Variants in CPED1 observed in about 807,000 individuals in gnomAD.
CPED1 encodes cadherin-like and PC-esterase domain-containing protein 1.
In CPED1, 114 loss-of-function variants were observed where a neutral mutation model predicts 128.2. The ratio of observed to expected loss-of-function variants is 0.89; its 90% CI spans 0.76 to 1.04. The LOEUF (loss-of-function observed/expected upper bound fraction) is 1.04, where lower values mean the gene tolerates loss of function less well. CPED1 is among the 50% of genes least tolerant of loss of function. CPED1 has a pLI of 0.00. For synonymous variants in CPED1, 462 were observed against 426.7 expected, an observed-to-expected ratio of 1.08 and a Z score of -1.02; for missense variants, 1,211 against 1,207.1, an observed-to-expected ratio of 1.00 and a Z score of -0.05.
Position 121,266,253 on chromosome 7 carries a change from C to G in CPED1, c.2337C>G (p.Asn779Lys). 1 of 1,612,672 alleles carries G rather than the reference C, an allele frequency of 6.2e-7. No individual in the cohort carries two copies. The highest frequency in any genetic ancestry group is 8.5e-7 in the Non-Finnish European group (1 of 1,179,066). Residue 779 changes from asparagine (N) to lysine (K), a missense_variant, in exon 19 of 23, where the codon AAC becomes AAG. Asn to Lys is a moderately conservative substitution (Grantham distance 94). Coordinates refer to ENST00000310396, the MANE Select transcript of CPED1 (RefSeq NM_024913.5). ...RKILFIGDST[N>K]RGIMYYLIER... is the part of the protein sequence containing the mutation. Reference sequence around the variant, plus strand: ...TTCTGTTCATTGGAGATTCAACCAACAGAGGGATCATGTACTATCTTATTG... The same window carrying G: ...TTCTGTTCATTGGAGATTCAACCAAGAGAGGGATCATGTACTATCTTATTG...
At chr7:121,083,164 T>C (rs1442977328) in intron 5 of CPED1, among the ~76,000 whole-genome samples, 2 of 152,152 alleles carry the variant, frequency 1.3e-5, no homozygotes, top group African/African-American at 2.4e-5. Context: ...TCTTTTCTGA[T>C]GTGCCTACTC....
intron 16 of CPED1, among the ~76,000 whole-genome samples, chr7:121,153,875 CA>C (rs1295084132): frequency 3.9e-5 from 6 of 152,084 alleles, no homozygotes; most frequent in Admixed American, 2.0e-4. Flanking sequence ...GGCCTAGAAT[CA>C]TCAAAAATAA....
At chr7:121,261,536 T>A (rs1584639879) in intron 18 of CPED1, 1 of 1,529,096 alleles carries the variant, frequency 6.5e-7, no homozygotes, top group East Asian at 2.4e-5. Context: ...GCCATGAGAC[T>A]GAGTTCTAAC....
At chr7:121,004,439 T>C (rs980890963) in intron 2 of CPED1, among the ~76,000 whole-genome samples, 1 of 152,210 alleles carries the variant, frequency 6.6e-6, no homozygotes, top group African/African-American at 2.4e-5. Context: ...GGCTGGACTC[T>C]GCCCAGAGGA....
intron 5 of CPED1, among the ~76,000 whole-genome samples, chr7:121,086,147 G>A (rs1168099720): frequency 2.6e-5 from 4 of 152,122 alleles, no homozygotes; most frequent in African/African-American, 7.2e-5. Flanking sequence ...CCTCAGTCCC[G>A]TGTAGGTCAG....
At chr7:121,015,947 A>G (rs1253454923) in intron 3 of CPED1, 99 bp downstream of exon 3, 1 of 883,518 alleles carries the variant, frequency 1.1e-6, no homozygotes, top group Admixed American at 4.3e-5. Flanking sequence ...ATTTATAAAA[A>G]CAAATATTTA....
intron 18 of CPED1, among the ~76,000 whole-genome samples, chr7:121,261,025 C>A (rs1204961642): frequency 6.6e-6 from 1 of 152,056 alleles, no homozygotes. Flanking sequence ...TTGATTCAAC[C>A]TAGATAGCCA....
Position 121,130,287 on chromosome 7 carries a change from C to A in CPED1, c.1570C>A (p.Leu524Met), listed in dbSNP as rs776212763. 2 of 1,597,212 alleles carry A rather than the reference C, an allele frequency of 1.3e-6. No individual in the cohort carries two copies. Among genetic ancestry groups the A allele is most frequent in the Non-Finnish European group, 1.7e-6 (2 of 1,174,166 alleles). Residue 524 changes from leucine to methionine, a missense_variant, in exon 12 of 23, where the codon CTG becomes ATG. By Grantham distance (15) the Leu-to-Met change is conservative. Coordinates refer to ENST00000310396, the MANE Select transcript of CPED1 (RefSeq NM_024913.5). ...GAATAAAAAGACACAGCCACATCCA[C>A]TGGAATGGTAAGATAGCCACAAATT... ...FMNKKTQPHP[L>M]EWNSFTEDKN...
intron 17 of CPED1, among the ~76,000 whole-genome samples, chr7:121,238,283 C>G (rs1422723319): frequency 6.6e-6 from 1 of 152,166 alleles, no homozygotes; most frequent in Non-Finnish European, 1.5e-5. Flanking sequence ...AGTGCACGCT[C>G]CTTAGCCTGA....
chr7:121,099,077 G>A (rs1344522107), intron 6 of CPED1, among the ~76,000 whole-genome samples: 1 of 150,674 alleles, frequency 6.6e-6, no homozygotes, highest in Non-Finnish European at 1.5e-5. Context: ...TTATCTGGGA[G>A]TAGGGACATT....
intron 4 of CPED1, chr7:121,051,592 T>G: frequency 2.9e-6 from 1 of 349,840 alleles, no homozygotes; most frequent in Admixed American, 4.3e-5. Context: ...TTAAATTACT[T>G]CTATGCCCTT....
At chr7:121,052,293 A>C (rs998789783) in intron 4 of CPED1, among the ~76,000 whole-genome samples, 1 of 152,184 alleles carries the variant, frequency 6.6e-6, no homozygotes, top group African/African-American at 2.4e-5. Flanking sequence ...ACATTATTCT[A>C]TTTAACTCAG....
At chr7:121,251,661 G>A (rs1007549767) in intron 18 of CPED1, among the ~76,000 whole-genome samples, 17 of 151,936 alleles carry the variant, frequency 1.1e-4, no homozygotes, top group African/African-American at 2.7e-4. Flanking sequence ...AAACATTCTC[G>A]TACACCAATA....
chr7:121,048,608 C>T (rs961380105), intron 4 of CPED1, among the ~76,000 whole-genome samples: 4 of 152,138 alleles, frequency 2.6e-5, no homozygotes, highest in African/African-American at 7.2e-5. Flanking sequence ...GGCGTGATCT[C>T]ACCTCACTGC....
intron 17 of CPED1, among the ~76,000 whole-genome samples, chr7:121,241,544 A>G (rs1205169847): frequency 6.6e-6 from 1 of 152,064 alleles, no homozygotes; most frequent in Non-Finnish European, 1.5e-5. Context: ...CATCTTTCAC[A>G]TAGCAGACCC....
intron 3 of CPED1, among the ~76,000 whole-genome samples, chr7:121,036,068 G>A (rs1014570603): frequency 6.6e-6 from 1 of 152,054 alleles, no homozygotes; most frequent in Non-Finnish European, 1.5e-5. Flanking sequence ...GTTAAATTTA[G>A]AGGGAAATAG....
At chr7:121,283,137 A>G (rs754300370) in intron 22 of CPED1, among the ~76,000 whole-genome samples, 5 of 152,218 alleles carry the variant, frequency 3.3e-5, no homozygotes, top group East Asian at 1.9e-4. Flanking sequence ...TCTGTTTTAA[A>G]TCTACATTCC....
At chr7:121,072,880 T>C (rs770078973) in intron 5 of CPED1, among the ~76,000 whole-genome samples, 13 of 152,112 alleles carry the variant, frequency 8.5e-5, no homozygotes, top group Non-Finnish European at 1.6e-4. Context: ...GACTCAAGAG[T>C]ATCTTCAGAG....
At chr7:121,046,320 G>A (rs2116901123) in intron 3 of CPED1, among the ~76,000 whole-genome samples, 1 of 152,138 alleles carries the variant, frequency 6.6e-6, no homozygotes, top group South Asian at 2.1e-4. Context: ...TGCAAAATCT[G>A]TCGTTTTTAT....
Sources: gnomAD v4.1 joint callset for allele counts (sites outside exome capture counted in the v4.1 genomes callset) on GRCh38, gnomAD v4.1.1 for gene constraint, MANE v1.5 for transcripts, NCBI Gene and HGNC (gene_info 2026-07-23, HGNC 2026-07-21) for gene names.